The following PTBP3 variants were observed in gnomAD, a reference collection of about 807,000 sequenced individuals.
PTBP3 encodes polypyrimidine tract binding protein 3, also known as polypyrimidine tract-binding protein 3.
PTBP3 carries 20 observed loss-of-function variants against 58.7 expected under a neutral mutation model. The ratio of observed to expected loss-of-function variants is 0.34; its 90% CI spans 0.24 to 0.50. PTBP3 has a LOEUF of 0.50. PTBP3 is among the 20% of genes least tolerant of loss of function. PTBP3 has a pLI of 0.98. For synonymous variants in PTBP3, 185 were observed against 219.8 expected, an observed-to-expected ratio of 0.84 and a Z score of 1.40; for missense variants, 509 against 637.2, an observed-to-expected ratio of 0.80 and a Z score of 2.17.
chr9:112,355,174 T>C, the PTBP3 span, among the ~76,000 whole-genome samples: 2 of 152,168 alleles, frequency 1.3e-5, no homozygotes, highest in African/African-American at 4.8e-5. Flanking sequence ...GAAAAGAGGA[T>C]GGATCCTGGT....
At chr9:112,287,341 G>T (rs12352594) in intron 2 of PTBP3, among the ~76,000 whole-genome samples, 105,288 of 126,788 alleles carry the variant, frequency 0.83, 43,974 homozygotes, top group South Asian at 0.92. Flanking sequence ...TCAGTTTTTT[G>T]TTTTTTTTTT....
At chr9:112,305,662 CG>C (rs1829153631) in intron 1 of PTBP3, among the ~76,000 whole-genome samples, 1 of 152,066 alleles carries the variant, frequency 6.6e-6, no homozygotes, top group Admixed American at 6.6e-5. Context: ...AGCTTTCAGC[CG>C]GGCACGGTGG....
At chr9:112,346,281 C>T in the PTBP3 span, among the ~76,000 whole-genome samples, 1 of 152,176 alleles carries the variant, frequency 6.6e-6, no homozygotes, top group Non-Finnish European at 1.5e-5. Context: ...GATTCTCCTG[C>T]CTCAGCCTCC....
the PTBP3 span, chr9:112,379,850 C>CTTGTGTA: frequency 1.9e-6 from 1 of 516,298 alleles, no homozygotes. Flanking sequence ...CGCTAGGCGC[C>CTTGTGTA]GACAGGAGCC....
At chr9:112,274,496 G>C (rs566888602) in intron 3 of PTBP3, among the ~76,000 whole-genome samples, 13 of 152,106 alleles carry the variant, frequency 8.5e-5, no homozygotes, top group Admixed American at 3.3e-4. Flanking sequence ...TCATTCCAGT[G>C]GGGTCTGAGT....
intron 2 of PTBP3, among the ~76,000 whole-genome samples, chr9:112,296,287 C>T (rs1828685837): frequency 2.0e-5 from 3 of 152,042 alleles, no homozygotes; most frequent in Admixed American, 1.3e-4. Flanking sequence ...AATAGAATGA[C>T]TGTTAAGTCC....
chr9:112,290,396 C>A lies in PTBP3; in HGVS notation c.34+7436G>T, dbSNP rs535377319. 3.3e-3 allele frequency among the ~76,000 whole-genome samples: 500 copies of A among 152,076 alleles called. 3 individuals carry two copies. Among genetic ancestry groups the A allele is most frequent in the Non-Finnish European group, 5.4e-3 (365 of 68,000 alleles). Reference sequence around the variant, plus strand: ...AAAATTAAAAATACACAATATCGGCCAGGCATGGTGGCTCACACCTGTATT... The same window carrying A: ...AAAATTAAAAATACACAATATCGGCAAGGCATGGTGGCTCACACCTGTATT... On this transcript the variant is annotated intron_variant, in intron 2 of 13. Coordinates refer to ENST00000374257, the MANE Select transcript of PTBP3 (RefSeq NM_001163788.4).
chr9:112,322,090 G>A (rs978715162), intron 1 of PTBP3, among the ~76,000 whole-genome samples: 7 of 133,228 alleles, frequency 5.3e-5, no homozygotes, highest in African/African-American at 1.7e-4. Flanking sequence ...AGCTGAGATC[G>A]TGCCATTGCA....
the PTBP3 span, chr9:112,363,204 G>A: frequency 6.5e-6 from 1 of 153,580 alleles, no homozygotes; most frequent in Non-Finnish European, 1.4e-5. Context: ...TGGAGTCAGG[G>A]GGTGGGTCCA....
chr9:112,236,340 A>G (rs1011444228), intron 7 of PTBP3, among the ~76,000 whole-genome samples: 3 of 152,170 alleles, frequency 2.0e-5, no homozygotes, highest in Non-Finnish European at 4.4e-5. Flanking sequence ...TGTTGAGAGC[A>G]TATCATGAGC....
the PTBP3 span, among the ~76,000 whole-genome samples, chr9:112,354,627 G>T: frequency 6.6e-6 from 1 of 152,144 alleles, no homozygotes; most frequent in South Asian, 2.1e-4. Flanking sequence ...AGGGTAGTAG[G>T]AGGATGACAC....
At chr9:112,349,746 C>G in the PTBP3 span, among the ~76,000 whole-genome samples, 2 of 151,006 alleles carry the variant, frequency 1.3e-5, no homozygotes, top group African/African-American at 2.4e-5. Context: ...CGCCTGTAAT[C>G]CCAGCTACTC....
intron 1 of PTBP3, among the ~76,000 whole-genome samples, chr9:112,320,291 A>AATAT (rs1288195199): frequency 4.1e-5 from 3 of 73,536 alleles, no homozygotes; most frequent in Non-Finnish European, 4.5e-5. Flanking sequence ...AAAAAAAAAA[A>AATAT]ATATATATAT....
At chr9:112,327,910 G>A (rs192206719) in intron 1 of PTBP3, among the ~76,000 whole-genome samples, 190 of 152,040 alleles carry the variant, frequency 1.2e-3, no homozygotes, top group African/African-American at 4.3e-3. Context: ...GTATTTCTGA[G>A]AGCTTATTAT....
chr9:112,284,230 G>A (rs1288575258), intron 2 of PTBP3, among the ~76,000 whole-genome samples: 2 of 152,010 alleles, frequency 1.3e-5, no homozygotes, highest in Non-Finnish European at 2.9e-5. Context: ...CCATGCGCCT[G>A]GAAAAGCCAC....
chr9:112,291,464 A>C (rs781037123), intron 2 of PTBP3, among the ~76,000 whole-genome samples: 8 of 152,316 alleles, frequency 5.3e-5, no homozygotes, highest in Non-Finnish European at 8.8e-5. Context: ...CCTAACTTCT[A>C]CACATTACAA....
intron 2 of PTBP3, 66 bp downstream of exon 2, chr9:112,297,766 G>C: frequency 3.1e-6 from 4 of 1,296,620 alleles, no homozygotes; most frequent in South Asian, 1.4e-5. Context: ...AGCAAAATAA[G>C]AGCATTGTAA....
intron 6 of PTBP3, among the ~76,000 whole-genome samples, chr9:112,251,419 A>G (rs1836111301): frequency 1.3e-5 from 2 of 152,170 alleles, no homozygotes; most frequent in Admixed American, 1.3e-4. Context: ...CACTATTATT[A>G]TGATTATTTT....
intron 2 of PTBP3, among the ~76,000 whole-genome samples, chr9:112,287,936 CA>C (rs113552849): frequency 2.6e-5 from 4 of 151,888 alleles, no homozygotes; most frequent in Non-Finnish European, 4.4e-5. Context: ...TTATGGGTCA[CA>C]TTTTTTTGGT....
Sources: gnomAD v4.1 joint callset for allele counts (sites outside exome capture counted in the v4.1 genomes callset) on GRCh38, gnomAD v4.1.1 for gene constraint, MANE v1.5 for transcripts, NCBI Gene and HGNC (gene_info 2026-07-23, HGNC 2026-07-21) for gene names.